Variants in ENTREP2 observed in about 807,000 individuals in gnomAD.
ENTREP2 encodes the protein protein ENTREP2.
At chr15:29,270,481 G>GA in the ENTREP2 span, among the ~76,000 whole-genome samples, 3,837 of 152,310 alleles carry the variant, frequency 0.025, 62 homozygotes, top group Middle Eastern at 0.054. Context: ...TTATCTTTTG[G>GA]AAAACAACTG....
chr15:29,595,996 T>C, the ENTREP2 span, among the ~76,000 whole-genome samples: 442 of 152,290 alleles, frequency 2.9e-3, 2 homozygotes, highest in Middle Eastern at 0.024. Context: ...AGGTTCAGCC[T>C]TTCTCAAAAA....
chr15:29,569,921 G>C, the ENTREP2 span: 6 of 152,064 alleles, frequency 3.9e-5, no homozygotes, highest in African/African-American at 1.4e-4. Context: ...GCCGTTCTGG[G>C]CGGACGCGGG....
the ENTREP2 span, among the ~76,000 whole-genome samples, chr15:29,189,830 A>T: frequency 6.6e-6 from 1 of 152,140 alleles, no homozygotes; most frequent in Non-Finnish European, 1.5e-5. Context: ...CTACCTAAAC[A>T]TCTTTTTATT....
the ENTREP2 span, among the ~76,000 whole-genome samples, chr15:29,587,179 G>A: frequency 7.1e-6 from 1 of 140,876 alleles, no homozygotes; most frequent in Non-Finnish European, 1.5e-5. Context: ...GTGTGTGTGT[G>A]TGTGTGTGTG....
At chr15:29,242,729 C>T in the ENTREP2 span, among the ~76,000 whole-genome samples, 6 of 152,212 alleles carry the variant, frequency 3.9e-5, no homozygotes, top group African/African-American at 7.2e-5. Flanking sequence ...TGCCATGTAG[C>T]GAATGATGGG....
At chr15:29,460,454 A>AGG in the ENTREP2 span, among the ~76,000 whole-genome samples, 1 of 152,148 alleles carries the variant, frequency 6.6e-6, no homozygotes, top group African/African-American at 2.4e-5. Flanking sequence ...CAACATAGTG[A>AGG]AACCCCATCA....
the ENTREP2 span, among the ~76,000 whole-genome samples, chr15:29,476,860 A>C: frequency 6.6e-6 from 1 of 152,196 alleles, no homozygotes; most frequent in Non-Finnish European, 1.5e-5. Context: ...ACCGATTGCC[A>C]GCCACGACAA....
At chr15:29,523,561 ATT>A in the ENTREP2 span, among the ~76,000 whole-genome samples, 259 of 78,462 alleles carry the variant, frequency 3.3e-3, 2 homozygotes, top group African/African-American at 0.012. Context: ...TCCCAGCTAG[ATT>A]TTTTTTTTTT....
chr15:29,639,163 G>T, the ENTREP2 span, among the ~76,000 whole-genome samples: 7 of 152,294 alleles, frequency 4.6e-5, no homozygotes, highest in African/African-American at 1.7e-4. Flanking sequence ...CATCTGCAGA[G>T]TCCCACGGCT....
At chr15:29,126,309 G>A in the ENTREP2 span, 9,562 of 1,506,626 alleles carry the variant, frequency 6.3e-3, 354 homozygotes, top group African/African-American at 0.097. Context: ...CTGGTGGAGC[G>A]GGACACACGC....
At chr15:29,218,147 G>A in the ENTREP2 span, among the ~76,000 whole-genome samples, 1 of 152,118 alleles carries the variant, frequency 6.6e-6, no homozygotes, top group Non-Finnish European at 1.5e-5. Flanking sequence ...TTCCGGTAGA[G>A]GTGGCAGCGG....
At chr15:29,195,665 C>T in the ENTREP2 span, among the ~76,000 whole-genome samples, 1 of 152,122 alleles carries the variant, frequency 6.6e-6, no homozygotes, top group African/African-American at 2.4e-5. Flanking sequence ...GCTGGGACTA[C>T]AGGCGCCCAC....
At chr15:29,274,975 G>A in the ENTREP2 span, among the ~76,000 whole-genome samples, 1 of 152,186 alleles carries the variant, frequency 6.6e-6, no homozygotes, top group African/African-American at 2.4e-5. Flanking sequence ...GAATTCACTT[G>A]GCTTTGAATC....
the ENTREP2 span, among the ~76,000 whole-genome samples, chr15:29,343,407 G>A: frequency 1.3e-5 from 2 of 152,090 alleles, no homozygotes; most frequent in Admixed American, 6.5e-5. Context: ...TTCCTTTCAA[G>A]ACTGTGACAT....
chr15:29,508,253 A>C, the ENTREP2 span, among the ~76,000 whole-genome samples: 1 of 152,226 alleles, frequency 6.6e-6, no homozygotes, highest in Admixed American at 6.5e-5. Flanking sequence ...TGAAGCAGTA[A>C]TTAATAGCCT....
At chr15:29,605,423 A>G in the ENTREP2 span, among the ~76,000 whole-genome samples, 7 of 152,138 alleles carry the variant, frequency 4.6e-5, no homozygotes, top group African/African-American at 7.2e-5. Context: ...TGTCAGTGGC[A>G]TGCTATTCAC....
the ENTREP2 span, among the ~76,000 whole-genome samples, chr15:29,168,371 TAAAG>T: frequency 5.9e-5 from 9 of 152,078 alleles, no homozygotes; most frequent in African/African-American, 1.9e-4. Context: ...ACAAACCCAA[TAAAG>T]AAAGAAAGTA....
chr15:29,446,561 G>A, the ENTREP2 span, among the ~76,000 whole-genome samples: 1 of 152,220 alleles, frequency 6.6e-6, no homozygotes, highest in Non-Finnish European at 1.5e-5. Context: ...TCGGTCCCCA[G>A]TGGCACCATG....
the ENTREP2 span, among the ~76,000 whole-genome samples, chr15:29,545,163 T>A: frequency 6.6e-6 from 1 of 152,246 alleles, no homozygotes; most frequent in Non-Finnish European, 1.5e-5. Context: ...GTAAGGACTA[T>A]CACTGAACAT....
Sources: gnomAD v4.1 joint callset for allele counts (sites outside exome capture counted in the v4.1 genomes callset) on GRCh38, gnomAD v4.1.1 for gene constraint, MANE v1.5 for transcripts, NCBI Gene and HGNC (gene_info 2026-07-23, HGNC 2026-07-21) for gene names.